The following SMG6 variants were observed in gnomAD, a reference collection of about 807,000 sequenced individuals.
SMG6 encodes SMG6 nonsense mediated mRNA decay factor.
A neutral mutation model predicts 142.2 loss-of-function variants in SMG6; 66 were observed. That is an observed-to-expected ratio of 0.46 (90% CI 0.38 to 0.57). SMG6 has a LOEUF of 0.57. SMG6 is among the 20% of genes least tolerant of loss of function. The probability of loss-of-function intolerance (pLI) is 0.00; values close to 1 mark genes in which losing one functional copy is unlikely to be tolerated. For synonymous variants in SMG6, 779 were observed against 702.4 expected (o/e 1.11, Z -1.72); for missense variants, 1,793 against 1,832.0 (o/e 0.98, Z 0.39).
At chr17:2,091,673 CTT>C (rs11331439) in intron 13 of SMG6, among the ~76,000 whole-genome samples, 8 of 140,402 alleles carry the variant, frequency 5.7e-5, no homozygotes, top group Non-Finnish European at 3.1e-5. Context: ...AGTCTTTTTG[CTT>C]TTTTTTTTTT....
chr17:2,195,807 G>C (rs576080913), intron 10 of SMG6, among the ~76,000 whole-genome samples: 2 of 152,256 alleles, frequency 1.3e-5, no homozygotes, highest in Admixed American at 6.5e-5. Flanking sequence ...AATAACACAA[G>C]GCTAGAAAGT....
intron 8 of SMG6, among the ~76,000 whole-genome samples, chr17:2,254,655 C>CTGT (rs2074123761): frequency 6.6e-6 from 1 of 152,080 alleles, no homozygotes. Context: ...TCTTATAAAT[C>CTGT]AACAGGTTGA....
intron 13 of SMG6, among the ~76,000 whole-genome samples, chr17:2,129,036 T>C (rs1353669602): frequency 6.6e-6 from 1 of 152,086 alleles, no homozygotes; most frequent in Non-Finnish European, 1.5e-5. Context: ...AGGAAGAAAA[T>C]GATAGTTTTA....
intron 13 of SMG6, among the ~76,000 whole-genome samples, chr17:2,121,413 A>T (rs1360290752): frequency 2.0e-5 from 3 of 152,210 alleles, no homozygotes; most frequent in African/African-American, 7.2e-5. Context: ...GCATGTACTT[A>T]TTGTGTGATT....
At chr17:2,079,562 G>A (rs1037801833) in intron 15 of SMG6, among the ~76,000 whole-genome samples, 8 of 151,834 alleles carry the variant, frequency 5.3e-5, no homozygotes, top group Admixed American at 4.6e-4. Context: ...CTTGAACCTG[G>A]GAGGTGGAGG....
At position 2,061,521 on chromosome 17, in the gene SMG6, C is replaced by G. The variant is rs376525214; in HGVS notation, c.4231G>C (p.Ala1411Pro). The G allele has an allele frequency of 1.6e-5, 25 of 1,574,542 alleles. No individual in the cohort carries two copies. In the Admixed American group the frequency reaches 2.9e-4, roughly 18 times the overall value. ...TRNVPVRDIP[A>P]FLTWAQVG The stretch of plus-strand genomic sequence containing the variant: ...CCCACCTGGGCCCACGTGAGGAAGG[C>G]TGGGATGTCCCGTACAGGAACATTC... Residue 1411 changes from alanine (A) to proline (P), a missense_variant, in exon 19 of 19, where the codon GCC becomes CCC. By Grantham distance (27) the Ala-to-Pro change is conservative. This residue lies in a region of SMG6 where 179 missense variants were observed against 212.6 expected (regional missense o/e 0.84). Transcript: ENST00000263073.
chr17:2,199,402 G>A (rs1489957401), intron 10 of SMG6, among the ~76,000 whole-genome samples: 2 of 152,024 alleles, frequency 1.3e-5, no homozygotes, highest in Non-Finnish European at 2.9e-5. Flanking sequence ...GGAGGCTGAG[G>A]TGGGAGCATC....
At chr17:2,096,323 T>G (rs1169561975) in intron 13 of SMG6, among the ~76,000 whole-genome samples, 3 of 152,230 alleles carry the variant, frequency 2.0e-5, no homozygotes, top group African/African-American at 4.8e-5. Flanking sequence ...TTCTCGTGCC[T>G]CAGCCTCCTG....
intron 13 of SMG6, chr17:2,087,063 G>T: frequency 7.7e-7 from 1 of 1,290,430 alleles, no homozygotes; most frequent in Non-Finnish European, 1.0e-6. Flanking sequence ...CAGCACATAG[G>T]GAAGTACTAA....
chr17:2,088,496 A>T (rs1467732232), intron 13 of SMG6: 1 of 985,328 alleles, frequency 1.0e-6, no homozygotes, highest in Non-Finnish European at 1.2e-6. Flanking sequence ...CATAGCTATT[A>T]GTTCCTTCTC....
At chr17:2,302,401 C>T (rs373651852) in intron 1 of SMG6, among the ~76,000 whole-genome samples, 7 of 151,890 alleles carry the variant, frequency 4.6e-5, no homozygotes, top group African/African-American at 2.4e-5. Flanking sequence ...ATTAGCCAGG[C>T]GTGGTGGCAC....
intron 13 of SMG6, chr17:2,094,993 T>C (rs975420754): frequency 2.0e-5 from 3 of 152,206 alleles, no homozygotes; most frequent in South Asian, 2.1e-4. Flanking sequence ...TAGCTCGGGC[T>C]TCAGTCCAAT....
In SMG6 at chr17:2,060,474, G is replaced by C. The variant is rs2067741008; in HGVS notation, c.*1018C>G. 1 of 152,288 alleles carries C rather than the reference G, an allele frequency of 6.6e-6. No homozygotes were observed. Among genetic ancestry groups the C allele is most frequent in the Non-Finnish European group, 1.5e-5 (1 of 68,088 alleles). 9.4% of individuals were successfully genotyped at this position (152,288 alleles called of 1,614,324 possible). On this transcript the variant is annotated 3_prime_UTR_variant, in exon 19 of 19. Coordinates refer to ENST00000263073, the MANE Select transcript of SMG6 (RefSeq NM_017575.5). Reference sequence around the variant, plus strand: ...CGAGGGTGGAAGGCCCTGGGTGGGAGACCTGTACTAGGTTCCTGCCATGGG... The same window carrying C: ...CGAGGGTGGAAGGCCCTGGGTGGGACACCTGTACTAGGTTCCTGCCATGGG...
At chr17:2,253,389 C>A (rs1388527247) in intron 8 of SMG6, among the ~76,000 whole-genome samples, 1 of 152,136 alleles carries the variant, frequency 6.6e-6, no homozygotes, top group East Asian at 1.9e-4. Flanking sequence ...CTGATCCGCC[C>A]GCCTCGGTCT....
intron 13 of SMG6, among the ~76,000 whole-genome samples, chr17:2,093,374 G>A (rs2068774761): frequency 6.6e-6 from 1 of 152,166 alleles, no homozygotes; most frequent in South Asian, 2.1e-4. Context: ...AGTGAGCCAT[G>A]AGCACGCCAC....
intron 10 of SMG6, among the ~76,000 whole-genome samples, chr17:2,200,220 C>CA (rs572423509): frequency 4.0e-5 from 6 of 151,508 alleles, no homozygotes; most frequent in Admixed American, 6.6e-5. Context: ...CGTGCCTGGA[C>CA]AAAAAAAACT....
Position 2,300,382 on chromosome 17 carries a change from G to A in SMG6, c.371C>T (p.Thr124Ile), listed in dbSNP as rs753586193. The A allele has an allele frequency of 1.9e-6, 3 of 1,613,866 alleles. No homozygotes were observed. Residue 124 changes from threonine to isoleucine, a missense_variant, in exon 2 of 19, where the codon ACT (threonine) becomes ATT (isoleucine). Transcript: ENST00000263073. ...TAGACTACGATCCTCTTGTCCAGCAGTCCTAGGAAAGGATTCTTGTCCCCG... is the reference window on the plus strand; with the variant it reads ...TAGACTACGATCCTCTTGTCCAGCAATCCTAGGAAAGGATTCTTGTCCCCG... ...NNRGQESFPR[T>I]AGQEDRSLKI...
At chr17:2,069,179 C>T (rs142921555) in intron 15 of SMG6, among the ~76,000 whole-genome samples, 293 of 152,264 alleles carry the variant, frequency 1.9e-3, no homozygotes, top group Middle Eastern at 6.8e-3. Context: ...AGAAAGGATC[C>T]TGAGGATATT....
At chr17:2,192,536 C>T (rs572670858) in intron 10 of SMG6, among the ~76,000 whole-genome samples, 45 of 152,304 alleles carry the variant, frequency 3.0e-4, no homozygotes, top group South Asian at 1.4e-3. Context: ...TGGAGAAAAA[C>T]GCAGGCAAGA....
Sources: gnomAD v4.1 joint callset for allele counts (sites outside exome capture counted in the v4.1 genomes callset) on GRCh38, gnomAD v4.1.1 for gene constraint, gnomAD v4.1.1 regional missense constraint, MANE v1.5 for transcripts, NCBI Gene and HGNC (gene_info 2026-07-23, HGNC 2026-07-21) for gene names.